Variants in KIRREL3 observed in about 807,000 individuals in gnomAD.
KIRREL3 encodes kin of IRRE-like protein 3.
KIRREL3 carries 36 observed loss-of-function variants against 89.7 expected under a neutral mutation model. The ratio of observed to expected loss-of-function variants is 0.40; its 90% CI spans 0.31 to 0.53. The LOEUF is 0.53. Among genes scored for constraint, KIRREL3 ranks in the 20% least tolerant of loss-of-function variants. The pLI is 0.49. For missense variants in KIRREL3, 864 were observed against 1,056.6 expected (o/e 0.82, Z 2.53); for synonymous variants, 445 against 441.4 (o/e 1.01, Z -0.10).
intron 1 of KIRREL3, among the ~76,000 whole-genome samples, chr11:126,923,433 C>A (rs1206114504): frequency 7.8e-6 from 1 of 127,696 alleles, no homozygotes; most frequent in Non-Finnish European, 1.6e-5. Context: ...TCCTCTTCCT[C>A]TTCTTCTCCT....
Position 126,491,608 on chromosome 11 carries a change from T to G in KIRREL3, c.434-18142A>C, listed in dbSNP as rs1325859833. Among the ~76,000 whole-genome samples, 1 of 152,188 alleles carries G rather than the reference T, an allele frequency of 6.6e-6. No homozygotes were observed. The highest frequency in any genetic ancestry group is 1.5e-5 in the Non-Finnish European group (1 of 68,030). ...AGAAGACCCAGGAGTTCAAGCATGG[T>G]GCAGAGAAGTTGAGCAACATGCCCA... On this transcript the variant is annotated intron_variant, in intron 4 of 16. Transcript: ENST00000525144. This position sits in a 1 kb window ranked among gnomAD's most constrained non-coding sequence, Gnocchi z 5.5.
At chr11:126,616,394 T>C (rs1272797816) in intron 1 of KIRREL3, among the ~76,000 whole-genome samples, 1 of 152,108 alleles carries the variant, frequency 6.6e-6, no homozygotes, top group Non-Finnish European at 1.5e-5. Context: ...AGTCTTAACT[T>C]GAAAGAAAAT....
At position 126,446,275 on chromosome 11, in the gene KIRREL3, T is replaced by TCTCTCTCTCTTCCTTTCTTTCTTTC. The variant is rs1565457724; in HGVS notation, c.1125+483_1125+484insGAAAGAAAGAAAGGAAGAGAGAGAG. Among the ~76,000 whole-genome samples the TCTCTCTCTCTTCCTTTCTTTCTTTC allele has an allele frequency of 1.5e-4, 20 of 130,598 alleles. 1 individual carries two copies. The highest frequency in any genetic ancestry group is 5.0e-4 in the African/African-American group (17 of 33,778). 85.7% of individuals were successfully genotyped at this position (130,598 alleles called of 152,430 possible). A position where few individuals can be genotyped will look rare whatever the true frequency, so the allele number is the denominator to read the frequency against. On this transcript the variant is annotated intron_variant, in intron 9 of 16. Transcript: ENST00000525144. The stretch of plus-strand genomic sequence containing the variant: ...TCTTTCTTTTCTTTCTCTCTCTTTC[T>TCTCTCTCTCTTCCTTTCTTTCTTTC]TTTCTTTCTCCTTTCTTTCTTTCTT...
At chr11:126,726,899 G>C (rs1948407003) in intron 1 of KIRREL3, among the ~76,000 whole-genome samples, 1 of 152,124 alleles carries the variant, frequency 6.6e-6, no homozygotes, top group African/African-American at 2.4e-5. Flanking sequence ...CTAAGACCTG[G>C]CTGTGATGTC....
rs1946221317 is a variant in KIRREL3 at position 126,897,689 on chromosome 11, T to A, written c.55+102766A>T. The stretch of plus-strand genomic sequence containing the variant: ...TCTGAAGATAGATAATTTGGTTAAA[T>A]CTTTTCCACTTTGATTTCATCTCCA... On this transcript the variant is annotated intron_variant, in intron 1 of 16. Transcript: ENST00000525144. This position sits in a 1 kb window ranked among gnomAD's most constrained non-coding sequence, Gnocchi z 4.2. Among the ~76,000 whole-genome samples the A allele has an allele frequency of 6.6e-6, 1 of 152,240 alleles. No individual in the cohort carries two copies. Among genetic ancestry groups the A allele is most frequent in the Non-Finnish European group, 1.5e-5 (1 of 68,050 alleles).
At position 126,724,034 on chromosome 11, in the gene KIRREL3, A is replaced by G. The variant is rs1406357458; in HGVS notation, c.56-161122T>C. Among the ~76,000 whole-genome samples the G allele has an allele frequency of 6.6e-6, 1 of 152,188 alleles. No homozygotes were observed. Among genetic ancestry groups the G allele is most frequent in the Non-Finnish European group, 1.5e-5 (1 of 68,026 alleles). ...TCCAAGGCCACACATGAAAAGAGAAATGCTGAGGCTGTTCCATTTGAGCCT... is the reference window on the plus strand; with the variant it reads ...TCCAAGGCCACACATGAAAAGAGAAGTGCTGAGGCTGTTCCATTTGAGCCT... On this transcript the variant is annotated intron_variant, in intron 1 of 16. Transcript: ENST00000525144. The surrounding 1 kb of genome is among the most constrained non-coding windows in gnomAD (Gnocchi z 4.3).
At chr11:126,478,968 AGGG>A (rs530140611) in intron 4 of KIRREL3, among the ~76,000 whole-genome samples, 1 of 151,870 alleles carries the variant, frequency 6.6e-6, no homozygotes, top group Non-Finnish European at 1.5e-5. Context: ...AGCCTGGCTG[AGGG>A]GGGCTTGGTG....
Position 126,923,227 on chromosome 11 carries a change from T to C in KIRREL3, c.55+77228A>G, listed in dbSNP as rs1450795220. On this transcript the variant is annotated intron_variant, in intron 1 of 16. Transcript: ENST00000525144. ...TTCTTCTTCTTCTTCTTCTTCTTCT[T>C]CTTCTTCTTCTTCTTCTTCTTCTTC... Among the ~76,000 whole-genome samples, 28 of 39,790 alleles carry C rather than the reference T, an allele frequency of 7.0e-4. 4 individuals are homozygous for C. The highest frequency in any genetic ancestry group is 1.1e-3 in the Admixed American group (4 of 3,808). The allele number at this position is 39,790 out of a possible 152,430, so 26.1% of individuals were successfully genotyped here.
At position 126,608,045 on chromosome 11, in the gene KIRREL3, C is replaced by T. The variant is rs919113230; in HGVS notation, c.56-45133G>A. Among the ~76,000 whole-genome samples, 13 of 152,324 alleles carry T rather than the reference C, an allele frequency of 8.5e-5. No individual in the cohort carries two copies. Among genetic ancestry groups the T allele is most frequent in the Non-Finnish European group, 1.6e-4 (11 of 68,028 alleles). ...TGCCTGCCGTGCTGTCTCTTACCAACCCAGGAGGGAGGGTTGGTGGCTGCT... is the reference window on the plus strand; with the variant it reads ...TGCCTGCCGTGCTGTCTCTTACCAATCCAGGAGGGAGGGTTGGTGGCTGCT... On this transcript the variant is annotated intron_variant, in intron 1 of 16. Transcript: ENST00000525144. This position sits in a 1 kb window ranked among gnomAD's most constrained non-coding sequence, Gnocchi z 4.9.
intron 1 of KIRREL3, among the ~76,000 whole-genome samples, chr11:126,923,193 T>TTTTCTTCTTCTTC (rs1947470672): frequency 2.0e-4 from 2 of 10,150 alleles, no homozygotes; most frequent in Non-Finnish European, 1.6e-4. Context: ...TCTTCTCTTC[T>TTTTCTTCTTCTTC]TCTTCTTCTT....
chr11:126,486,784 A>G lies in KIRREL3; in HGVS notation c.434-13318T>C, dbSNP rs114855141. Among the ~76,000 whole-genome samples the G allele has an allele frequency of 0.025, 3,759 of 152,304 alleles. 156 individuals carry two copies. The highest frequency in any genetic ancestry group is 0.081 in the African/African-American group (3,378 of 41,560). ...CCAACCACTCAGTCCTAACTGCGGT[A>G]CCATAGGCTGTGCTAGCAGGAGGAT... On this transcript the variant is annotated intron_variant, in intron 4 of 16. Coordinates refer to ENST00000525144, the MANE Select transcript of KIRREL3 (RefSeq NM_032531.4). The surrounding 1 kb of genome is among the most constrained non-coding windows in gnomAD (Gnocchi z 6.2).
Position 126,909,118 on chromosome 11 carries a change from G to T in KIRREL3, c.55+91337C>A, listed in dbSNP as rs1784341. The stretch of plus-strand genomic sequence containing the variant: ...GTGCAGAACCCAGGCGACACAGGGG[G>T]CCAACTGTAATTGCAATCTGAATGA... On this transcript the variant is annotated intron_variant, in intron 1 of 16. Transcript: ENST00000525144. This position sits in a 1 kb window ranked among gnomAD's most constrained non-coding sequence, Gnocchi z 4.5. 6.6e-6 allele frequency among the ~76,000 whole-genome samples: 1 copy of T among 151,430 alleles called. No homozygotes were observed. Among genetic ancestry groups the T allele is most frequent in the East Asian group, 1.9e-4 (1 of 5,148 alleles).
In KIRREL3 at chr11:126,471,488, C is replaced by A. The variant is rs1014640319; in HGVS notation, c.591+1821G>T. Among the ~76,000 whole-genome samples, 3 of 151,982 alleles carry A rather than the reference C, an allele frequency of 2.0e-5. No individual in the cohort carries two copies. The highest frequency in any genetic ancestry group is 4.4e-5 in the Non-Finnish European group (3 of 67,994). ...GGGGAGGCCCCAGGGTCAGTTGGGG[C>A]TGGGGTGGGAGGTGTGGGGAGAGTG... On this transcript the variant is annotated intron_variant, in intron 5 of 16. Coordinates refer to ENST00000525144, the MANE Select transcript of KIRREL3 (RefSeq NM_032531.4). This position sits in a 1 kb window ranked among gnomAD's most constrained non-coding sequence, Gnocchi z 5.4.
chr11:126,574,355 C>A lies in KIRREL3; in HGVS notation c.56-11443G>T, dbSNP rs551384822. 6.6e-6 allele frequency among the ~76,000 whole-genome samples: 1 copy of A among 152,242 alleles called. No homozygotes were observed. The highest frequency in any genetic ancestry group is 1.9e-4 in the East Asian group (1 of 5,176). On this transcript the variant is annotated intron_variant, in intron 1 of 16. Transcript: ENST00000525144. The surrounding 1 kb of genome is among the most constrained non-coding windows in gnomAD (Gnocchi z 5.3). ...AAGCTGGTGGCCCAGCAACAAAAATCAAAGCTCTTTTCTTCTCTTTAATGA... is the reference window on the plus strand; with the variant it reads ...AAGCTGGTGGCCCAGCAACAAAAATAAAAGCTCTTTTCTTCTCTTTAATGA...
In KIRREL3 at chr11:126,977,404, G is replaced by A. The variant is rs1949609320; in HGVS notation, c.55+23051C>T. 6.6e-6 allele frequency among the ~76,000 whole-genome samples: 1 copy of A among 151,970 alleles called. No individual in the cohort carries two copies. The highest frequency in any genetic ancestry group is 3.2e-3 in the Middle Eastern group (1 of 316). ...TTTTCATCACCCAGCTTTTCATATT[G>A]TTTATTTTCTACTGCCTCTGGCGAT... On this transcript the variant is annotated intron_variant, in intron 1 of 16. Coordinates refer to ENST00000525144, the MANE Select transcript of KIRREL3 (RefSeq NM_032531.4). This position sits in a 1 kb window ranked among gnomAD's most constrained non-coding sequence, Gnocchi z 4.7.
Position 126,594,075 on chromosome 11 carries a change from C to T in KIRREL3, c.56-31163G>A, listed in dbSNP as rs1186486358. Among the ~76,000 whole-genome samples the T allele has an allele frequency of 6.6e-6, 1 of 152,170 alleles. No homozygotes were observed. Among genetic ancestry groups the T allele is most frequent in the Non-Finnish European group, 1.5e-5 (1 of 68,024 alleles). On this transcript the variant is annotated intron_variant, in intron 1 of 16. Transcript: ENST00000525144. This position sits in a 1 kb window ranked among gnomAD's most constrained non-coding sequence, Gnocchi z 5.0. Reference sequence around the variant, plus strand: ...AAAAGAAATCACATCCCCAGGCTCCCTTCCCTCTGTCCATTGGCACAGTGT... The same window carrying T: ...AAAAGAAATCACATCCCCAGGCTCCTTTCCCTCTGTCCATTGGCACAGTGT...
At chr11:126,717,674 G>A (rs767860813) in intron 1 of KIRREL3, among the ~76,000 whole-genome samples, 1 of 152,164 alleles carries the variant, frequency 6.6e-6, no homozygotes, top group Non-Finnish European at 1.5e-5. Flanking sequence ...GCCAAACTAA[G>A]TAGTCAGCTT....
At chr11:126,951,127 T>C (rs1948762894) in intron 1 of KIRREL3, among the ~76,000 whole-genome samples, 2 of 152,320 alleles carry the variant, frequency 1.3e-5, no homozygotes, top group Middle Eastern at 3.4e-3. Context: ...TGGATATCTT[T>C]TGGGGGGCCA....
In KIRREL3 at chr11:126,830,163, A is replaced by G. The variant is rs1943559183; in HGVS notation, c.55+170292T>C. ...TCGCTGGCTTACCTGGAAGTTGTTC[A>G]TGAATGAACAACCCTTGCTAATCAC... On this transcript the variant is annotated intron_variant, in intron 1 of 16. Coordinates refer to ENST00000525144, the MANE Select transcript of KIRREL3 (RefSeq NM_032531.4). The surrounding 1 kb of genome is among the most constrained non-coding windows in gnomAD (Gnocchi z 4.9). Among the ~76,000 whole-genome samples the G allele has an allele frequency of 6.6e-6, 1 of 152,228 alleles. No homozygotes were observed. The highest frequency in any genetic ancestry group is 2.4e-5 in the African/African-American group (1 of 41,466).
Sources: gnomAD v4.1 joint callset for allele counts (sites outside exome capture counted in the v4.1 genomes callset) on GRCh38, gnomAD v4.1.1 for gene constraint, Gnocchi (gnomAD v3.1) non-coding constraint, MANE v1.5 for transcripts, NCBI Gene and HGNC (gene_info 2026-07-23, HGNC 2026-07-21) for gene names.